Variants in UBE2E2 observed in about 807,000 individuals in gnomAD.
UBE2E2 encodes ubiquitin conjugating enzyme E2 E2, also known as ubiquitin-conjugating enzyme E2 E2.
A neutral mutation model predicts 24.7 loss-of-function variants in UBE2E2; 6 were observed. The ratio of observed to expected loss-of-function variants is 0.24; its 90% CI spans 0.13 to 0.48. The LOEUF is 0.48. Ranked by LOEUF, UBE2E2 falls within the 20% of genes least tolerant of loss-of-function variation. UBE2E2 has a pLI of 0.99. For synonymous variants in UBE2E2, 104 were observed against 83.6 expected, an observed-to-expected ratio of 1.24 and a Z score of -1.33; for missense variants, 169 against 245.0, an observed-to-expected ratio of 0.69 and a Z score of 2.07.
intron 3 of UBE2E2, among the ~76,000 whole-genome samples, chr3:23,380,878 T>A (rs1354132444): frequency 2.0e-5 from 3 of 152,194 alleles, no homozygotes; most frequent in Non-Finnish European, 4.4e-5. Context: ...GTAAGTGAAT[T>A]CCAAGCTCTA....
intron 3 of UBE2E2, among the ~76,000 whole-genome samples, chr3:23,473,232 A>T (rs1559394635): frequency 6.6e-6 from 1 of 152,112 alleles, no homozygotes; most frequent in Non-Finnish European, 1.5e-5. Flanking sequence ...AAATGGGAAA[A>T]AAAAGCACAA....
At chr3:23,525,818 T>G (rs1180284572) in intron 4 of UBE2E2, among the ~76,000 whole-genome samples, 1 of 152,232 alleles carries the variant, frequency 6.6e-6, no homozygotes, top group East Asian at 1.9e-4. Flanking sequence ...TCTGGAAAAT[T>G]GAGTCAGAGA....
chr3:23,556,454 T>TAAAAAAAAAAAAACAAAAAA (rs1695787319), intron 5 of UBE2E2, among the ~76,000 whole-genome samples: 1 of 94,336 alleles, frequency 1.1e-5, no homozygotes, highest in African/African-American at 4.5e-5. Context: ...AAAATTTATT[T>TAAAAAAAAAAAAACAAAAAA]AAAAAAAAAA....
intron 3 of UBE2E2, among the ~76,000 whole-genome samples, chr3:23,224,991 G>C (rs184299015): frequency 6.6e-6 from 1 of 151,076 alleles, no homozygotes. Flanking sequence ...AGCTATCCTA[G>C]TAGATATGAA....
intron 5 of UBE2E2, among the ~76,000 whole-genome samples, chr3:23,556,868 A>G (rs990593966): frequency 6.6e-6 from 1 of 152,198 alleles, no homozygotes; most frequent in Admixed American, 6.6e-5. Context: ...GTCCTGTAGA[A>G]TTATTGCTTT....
At chr3:23,542,589 A>C (rs904879851) in intron 5 of UBE2E2, among the ~76,000 whole-genome samples, 4 of 152,164 alleles carry the variant, frequency 2.6e-5, no homozygotes, top group Admixed American at 2.6e-4. Context: ...TGAAAAAGAA[A>C]GTTTTAGATT....
chr3:23,361,603 C>T lies in UBE2E2; in HGVS notation c.228-138005C>T, dbSNP rs115215343. Among the ~76,000 whole-genome samples, 1,158 of 152,250 alleles carry T rather than the reference C, an allele frequency of 7.6e-3. 12 individuals are homozygous for T. Among genetic ancestry groups the T allele is most frequent in the African/African-American group, 0.02 (849 of 41,538 alleles). ...TGGAAAACCAAATATTCTATGTTCT[C>T]ATTTGTAAGTGGAAGCTAAGCTATG... On this transcript the variant is annotated intron_variant, in intron 3 of 5. Transcript: ENST00000396703.
In UBE2E2 at chr3:23,280,080, T is replaced by A. The variant is rs1381686915; in HGVS notation, c.227+62768T>A. On this transcript the variant is annotated intron_variant, in intron 3 of 5. Transcript: ENST00000396703. This position sits in a 1 kb window ranked among gnomAD's most constrained non-coding sequence, Gnocchi z 4.3. ...GCATGGGAGAGAAAACACATTTGAC[T>A]TATTACCACGGTAAGGTTCAAATTA... Among the ~76,000 whole-genome samples the A allele has an allele frequency of 6.6e-6, 1 of 152,204 alleles. No homozygotes were observed. Among genetic ancestry groups the A allele is most frequent in the Non-Finnish European group, 1.5e-5 (1 of 68,040 alleles).
intron 3 of UBE2E2, among the ~76,000 whole-genome samples, chr3:23,330,630 A>C (rs924717385): frequency 6.6e-6 from 1 of 152,232 alleles, no homozygotes; most frequent in Non-Finnish European, 1.5e-5. Context: ...GAGAGAATTC[A>C]CATGACCCCT....
At chr3:23,354,441 A>C (rs1171471110) in intron 3 of UBE2E2, among the ~76,000 whole-genome samples, 1 of 152,252 alleles carries the variant, frequency 6.6e-6, no homozygotes, top group Non-Finnish European at 1.5e-5. Context: ...CAGAGTGAAC[A>C]GGCAACCTGC....
intron 3 of UBE2E2, among the ~76,000 whole-genome samples, chr3:23,336,882 G>A (rs1366505098): frequency 6.6e-6 from 1 of 152,124 alleles, no homozygotes; most frequent in Admixed American, 6.6e-5. Flanking sequence ...TTGCATGCCT[G>A]TAATCCCAGC....
At chr3:23,423,301 C>G (rs1057141531) in intron 3 of UBE2E2, among the ~76,000 whole-genome samples, 1 of 152,134 alleles carries the variant, frequency 6.6e-6, no homozygotes, top group African/African-American at 2.4e-5. Flanking sequence ...AATACATTAG[C>G]AAAGTGAAGT....
chr3:23,538,887 TAAAC>T (rs915276804), intron 5 of UBE2E2, among the ~76,000 whole-genome samples: 8 of 152,318 alleles, frequency 5.3e-5, no homozygotes, highest in Admixed American at 3.9e-4. Context: ...TCTGTAAAAA[TAAAC>T]CATTTCTTTA....
chr3:23,220,742 A>G (rs973343495), intron 3 of UBE2E2, among the ~76,000 whole-genome samples: 1 of 152,214 alleles, frequency 6.6e-6, no homozygotes, highest in Non-Finnish European at 1.5e-5. Flanking sequence ...TTAGATGGAT[A>G]GAGTGGGTCA....
At chr3:23,210,569 C>T (rs373820946) in intron 2 of UBE2E2, among the ~76,000 whole-genome samples, 5 of 152,162 alleles carry the variant, frequency 3.3e-5, no homozygotes, top group South Asian at 4.1e-4. Context: ...AGAGAAAGTA[C>T]GGATTATTCA....
chr3:23,506,154 A>G (rs1305160651), intron 4 of UBE2E2, among the ~76,000 whole-genome samples: 1 of 152,242 alleles, frequency 6.6e-6, no homozygotes, highest in Non-Finnish European at 1.5e-5. Context: ...AGCCTTGGTT[A>G]GAGAACATGC....
chr3:23,269,133 A>G (rs1216967657), intron 3 of UBE2E2, among the ~76,000 whole-genome samples: 4 of 152,194 alleles, frequency 2.6e-5, no homozygotes, highest in Non-Finnish European at 5.9e-5. Flanking sequence ...TGTTCAGGAC[A>G]TAGGCATGGG....
chr3:23,260,516 A>C (rs528962070), intron 3 of UBE2E2, among the ~76,000 whole-genome samples: 11 of 152,302 alleles, frequency 7.2e-5, no homozygotes, highest in African/African-American at 2.6e-4. Context: ...TAATTTCTAT[A>C]ATTTAATGGA....
At chr3:23,588,332 A>T (rs1340616529) in intron 5 of UBE2E2, among the ~76,000 whole-genome samples, 2 of 152,098 alleles carry the variant, frequency 1.3e-5, no homozygotes, top group African/African-American at 4.8e-5. Context: ...TTGGAGGGAA[A>T]AGAGTAGAAT....
Sources: allele counts gnomAD v4.1 joint callset (sites outside exome capture counted in the v4.1 genomes callset), GRCh38; gene constraint gnomAD v4.1.1; non-coding constraint Gnocchi (gnomAD v3.1); transcripts MANE v1.5; gene names NCBI Gene and HGNC (gene_info 2026-07-23, HGNC 2026-07-21).